TSNARE1: variants seen among roughly 807,000 people sequenced by gnomAD.
TSNARE1 encodes the protein t-SNARE domain-containing protein 1.
Under a neutral mutation model 62.0 loss-of-function variants are expected in TSNARE1, and 49 were observed. The ratio of observed to expected loss-of-function variants is 0.79; its 90% CI spans 0.63 to 1.00. The LOEUF is 1.00. Ranked by LOEUF, TSNARE1 falls within the 50% of genes least tolerant of loss-of-function variation. The pLI, the probability that TSNARE1 is intolerant of heterozygous loss-of-function variation, is 0.00. For synonymous variants in TSNARE1, 328 were observed against 294.4 expected (o/e 1.11, Z -1.17); for missense variants, 755 against 700.1 (o/e 1.08, Z -0.88).
intron 6 of TSNARE1, 60 bp from the exon 7 acceptor site, chr8:142,318,694 G>C: frequency 6.4e-7 from 1 of 1,563,548 alleles, no homozygotes. Flanking sequence ...GAGAGCAAGG[G>C]CCCAGAAGGA....
chr8:142,318,043 GC>G (rs746052856), intron 7 of TSNARE1, among the ~76,000 whole-genome samples: 1 of 152,224 alleles, frequency 6.6e-6, no homozygotes, highest in Non-Finnish European at 1.5e-5. Context: ...GATGGCTGTG[GC>G]AGTGGGTATG....
intron 12 of TSNARE1, chr8:142,269,750 C>G: frequency 1.0e-6 from 1 of 985,396 alleles, no homozygotes; most frequent in Non-Finnish European, 1.2e-6. Context: ...CAGGGTGGAA[C>G]CATCAGAGTG....
At chr8:142,332,355 A>G (rs1299997953) in intron 4 of TSNARE1, among the ~76,000 whole-genome samples, 1 of 152,146 alleles carries the variant, frequency 6.6e-6, no homozygotes, top group Non-Finnish European at 1.5e-5. Flanking sequence ...CACATCTACC[A>G]TGTCAGAACA....
chr8:142,301,715 G>A (rs1241749328), intron 9 of TSNARE1, among the ~76,000 whole-genome samples: 2 of 152,216 alleles, frequency 1.3e-5, no homozygotes, highest in East Asian at 3.9e-4. Flanking sequence ...AATGGGCAGA[G>A]CAGAAAACTG....
At chr8:142,225,016 G>T (rs1454150151) in intron 13 of TSNARE1, among the ~76,000 whole-genome samples, 1 of 152,094 alleles carries the variant, frequency 6.6e-6, no homozygotes, top group African/African-American at 2.4e-5. Flanking sequence ...AGAGCCAAGG[G>T]AGGCGTGGCT....
intron 1 of TSNARE1, among the ~76,000 whole-genome samples, chr8:142,376,090 G>A (rs926407629): frequency 6.6e-6 from 1 of 152,232 alleles, no homozygotes; most frequent in East Asian, 1.9e-4. Context: ...TGCAGAGTCC[G>A]CGCCTCCCTG....
chr8:142,242,673 C>T (rs548990376), intron 12 of TSNARE1, among the ~76,000 whole-genome samples: 2 of 152,294 alleles, frequency 1.3e-5, no homozygotes, highest in African/African-American at 4.8e-5. Flanking sequence ...ATACAAAAAG[C>T]TAACAGGGCC....
At chr8:142,402,219 C>T (rs986867428) in intron 1 of TSNARE1, among the ~76,000 whole-genome samples, 1 of 151,876 alleles carries the variant, frequency 6.6e-6, no homozygotes, top group Non-Finnish European at 1.5e-5. Flanking sequence ...GAAGCACCGG[C>T]GGAGCAGCAC....
At chr8:142,277,158 C>A (rs1820634361) in intron 11 of TSNARE1, 1 of 985,320 alleles carries the variant, frequency 1.0e-6, no homozygotes, top group Non-Finnish European at 1.2e-6. Context: ...CCCTGCAGAG[C>A]CACAGGCCCT....
At chr8:142,284,529 G>A (rs770447308) in intron 10 of TSNARE1, 44 bp from the exon 11 acceptor site, 1 of 1,540,282 alleles carries the variant, frequency 6.5e-7, no homozygotes, top group Admixed American at 1.7e-5. Flanking sequence ...GGGCTGTGGG[G>A]CAGACACCAA....
At chr8:142,296,002 G>C (rs1364944226) in intron 10 of TSNARE1, among the ~76,000 whole-genome samples, 2 of 123,138 alleles carry the variant, frequency 1.6e-5, no homozygotes, top group Non-Finnish European at 3.4e-5. Flanking sequence ...ATGGGAGGGG[G>C]GAGGTCACTC....
At chr8:142,271,379 G>A in intron 12 of TSNARE1, 1 of 1,226,112 alleles carries the variant, frequency 8.2e-7, no homozygotes, top group Non-Finnish European at 1.0e-6. Context: ...GGCCCAGGAG[G>A]ACAGCAGGGC....
Position 142,265,629 on chromosome 8 carries a change from T to C in TSNARE1, c.1446+9152A>G, listed in dbSNP as rs554268819. Among the ~76,000 whole-genome samples the C allele has an allele frequency of 3.9e-5, 6 of 152,362 alleles. No individual in the cohort carries two copies. In the South Asian group the frequency reaches 1.2e-3, roughly 32 times the overall value. On this transcript the variant is annotated intron_variant, in intron 12 of 13. Coordinates refer to ENST00000524325, the MANE Select transcript of TSNARE1 (RefSeq NM_145003.5). ...AATGCCCAGGAGTGAAACTGTTGTG[T>C]TGTATAGTAAGTGTTATGTTTACAT... is the stretch of plus-strand genomic sequence containing the variant.
intron 13 of TSNARE1, among the ~76,000 whole-genome samples, chr8:142,227,358 C>T (rs192958243): frequency 0.026 from 2,069 of 80,150 alleles, 14 homozygotes; most frequent in Admixed American, 0.066. Flanking sequence ...TGCCCATAGC[C>T]CCAGTGACAG....
intron 8 of TSNARE1, 136 bp from the exon 9 acceptor site, chr8:142,314,576 C>A: frequency 1.4e-6 from 1 of 732,916 alleles, no homozygotes; most frequent in Non-Finnish European, 2.3e-6. Context: ...AAGAGGCTGC[C>A]GGGGCCGGGG....
chr8:142,313,671 G>C (rs1472604460), intron 9 of TSNARE1, among the ~76,000 whole-genome samples: 5 of 152,072 alleles, frequency 3.3e-5, no homozygotes, highest in African/African-American at 1.2e-4. Flanking sequence ...GTGTGTCTGT[G>C]TCTCTGTGTG....
intron 6 of TSNARE1, among the ~76,000 whole-genome samples, chr8:142,328,097 A>AG (rs1830510491): frequency 1.3e-5 from 2 of 151,996 alleles, no homozygotes; most frequent in African/African-American, 4.8e-5. Context: ...GAAAGTAAAA[A>AG]ATGTCCTCTT....
At chr8:142,340,034 C>T (rs542341009) in intron 4 of TSNARE1, among the ~76,000 whole-genome samples, 99 of 152,316 alleles carry the variant, frequency 6.5e-4, no homozygotes, top group African/African-American at 2.2e-3. Flanking sequence ...GGGGCAGGGT[C>T]GGGGCCAGAC....
chr8:142,237,327 A>G (rs1817484087), intron 12 of TSNARE1, among the ~76,000 whole-genome samples: 1 of 152,198 alleles, frequency 6.6e-6, no homozygotes, highest in Non-Finnish European at 1.5e-5. Context: ...TGGCCTGTTC[A>G]GGCCTGTGTC....
Sources: gnomAD v4.1 joint callset for allele counts (sites outside exome capture counted in the v4.1 genomes callset) on GRCh38, gnomAD v4.1.1 for gene constraint, MANE v1.5 for transcripts, NCBI Gene and HGNC (gene_info 2026-07-23, HGNC 2026-07-21) for gene names.